Variants in C13orf42 observed in about 807,000 individuals in gnomAD.
The protein encoded by C13orf42 is chromosome 13 open reading frame 42, also known as uncharacterized protein C13orf42.
chr13:51,089,069 C>A (rs1419861930), intron 1 of C13orf42, among the ~76,000 whole-genome samples: 1 of 152,124 alleles, frequency 6.6e-6, no homozygotes, highest in African/African-American at 2.4e-5. Context: ...GATGTGTTAA[C>A]ATGGGCATTT....
intron 1 of C13orf42, among the ~76,000 whole-genome samples, chr13:51,116,470 C>G (rs535941513): frequency 9.9e-5 from 15 of 152,236 alleles, no homozygotes; most frequent in Non-Finnish European, 2.1e-4. Context: ...AGAAAAAGTG[C>G]TCTCTCCAGG....
intron 1 of C13orf42, among the ~76,000 whole-genome samples, chr13:51,160,075 C>G (rs1953853286): frequency 6.6e-6 from 1 of 152,196 alleles, no homozygotes; most frequent in African/African-American, 2.4e-5. Context: ...AATTACCTCC[C>G]CCTGGGTCCC....
At chr13:51,141,672 CCTG>C (rs1171281816) in intron 1 of C13orf42, among the ~76,000 whole-genome samples, 1 of 151,944 alleles carries the variant, frequency 6.6e-6, no homozygotes, top group Non-Finnish European at 1.5e-5. Context: ...GTGGTGAGCA[CCTG>C]TAATCCCAAC....
At chr13:51,162,523 T>C (rs928493980) in intron 1 of C13orf42, among the ~76,000 whole-genome samples, 1 of 152,206 alleles carries the variant, frequency 6.6e-6, no homozygotes, top group African/African-American at 2.4e-5. Context: ...CTGTGAGTGT[T>C]TTTAGTTTGT....
rs148009345 is a variant in C13orf42, at chr13:51,087,632, G to C, written c.562+296C>G. Among the ~76,000 whole-genome samples, 289 of 152,258 alleles carry C rather than the reference G, an allele frequency of 1.9e-3. 1 individual carries two copies. Among genetic ancestry groups the C allele is most frequent in the African/African-American group, 6.7e-3 (277 of 41,528 alleles). ...TTGGAGTCTTAGGAAAGTCCCACCT[G>C]TCTCAGCCGTGGTAAGTGGACCACA... is the stretch of plus-strand genomic sequence containing the variant. On this transcript the variant is annotated intron_variant, in intron 2 of 3. Transcript: ENST00000563710.
chr13:51,119,307 GTGTT>G (rs1953515594), intron 1 of C13orf42, among the ~76,000 whole-genome samples: 1 of 152,102 alleles, frequency 6.6e-6, no homozygotes, highest in South Asian at 2.1e-4. Context: ...TGGGAACAGA[GTGTT>G]TGTTTGGAAT....
intron 1 of C13orf42, among the ~76,000 whole-genome samples, chr13:51,163,882 C>T (rs1021306731): frequency 5.9e-5 from 9 of 151,962 alleles, no homozygotes; most frequent in African/African-American, 9.7e-5. Context: ...AATGAAACAC[C>T]GCAAGTGTTT....
Position 51,141,025 on chromosome 13 carries a change from A to AT in C13orf42, n.137-27804dup, listed in dbSNP as rs540697527. ...AAATATGGTAATAAGATTAAAAAAA[A>AT]TTTTTTTTTTTTGTTAAAGGAGCTC... On this transcript the variant is annotated intron_variant and non_coding_transcript_variant, in intron 1 of 4. Transcript: ENST00000433280. Among the ~76,000 whole-genome samples, 300 of 145,460 alleles carry AT rather than the reference A, an allele frequency of 2.1e-3. 2 individuals are homozygous for AT. Among genetic ancestry groups the AT allele is most frequent in the South Asian group, 4.4e-3 (20 of 4,572 alleles).
chr13:51,139,383 G>T, intron 1 of C13orf42, among the ~76,000 whole-genome samples: 1 of 152,172 alleles, frequency 6.6e-6, no homozygotes, highest in East Asian at 1.9e-4. Flanking sequence ...AGGGGCTGGG[G>T]AGATGAGGAA....
At chr13:51,160,719 T>C (rs1049765750) in intron 1 of C13orf42, among the ~76,000 whole-genome samples, 1 of 152,176 alleles carries the variant, frequency 6.6e-6, no homozygotes, top group Non-Finnish European at 1.5e-5. Context: ...TGGGAATACC[T>C]ATAAATGATT....
chr13:51,134,351 CTTGGCTTT>C (rs1444960849), intron 1 of C13orf42, among the ~76,000 whole-genome samples: 3 of 152,168 alleles, frequency 2.0e-5, no homozygotes, highest in Admixed American at 2.0e-4. Context: ...ATGTAATGAA[CTTGGCTTT>C]GCCTTAACAC....
chr13:51,162,528 G>A (rs1953874339), intron 1 of C13orf42, among the ~76,000 whole-genome samples: 2 of 152,160 alleles, frequency 1.3e-5, no homozygotes, highest in South Asian at 4.1e-4. Context: ...AGTGTTTTTA[G>A]TTTGTCTATT....
At chr13:51,119,012 C>G (rs1422694346) in intron 1 of C13orf42, among the ~76,000 whole-genome samples, 1 of 151,870 alleles carries the variant, frequency 6.6e-6, no homozygotes, top group Non-Finnish European at 1.5e-5. Flanking sequence ...TACGGCATGC[C>G]CAAGAGTACA....
chr13:51,161,844 G>A (rs9568537), intron 1 of C13orf42: 2 of 442,714 alleles, frequency 4.5e-6, no homozygotes, highest in East Asian at 6.0e-5. Flanking sequence ...TCCATCCACA[G>A]CACTCTCAGA....
chr13:51,100,120 CCTA>C (rs71640555), intron 1 of C13orf42, among the ~76,000 whole-genome samples: 7,151 of 151,848 alleles, frequency 0.047, 288 homozygotes, highest in African/African-American at 0.12. Context: ...GTTCTCAGTT[CCTA>C]CTACATATCC....
intron 1 of C13orf42, among the ~76,000 whole-genome samples, chr13:51,117,798 C>G (rs538876620): frequency 6.6e-6 from 1 of 152,000 alleles, no homozygotes; most frequent in Non-Finnish European, 1.5e-5. Flanking sequence ...TTATTTTTCT[C>G]TTGTGTAACA....
At chr13:51,113,257 T>C (rs934998084), upstream of C13orf42, 1 of 152,228 alleles carries the variant, frequency 6.6e-6, no homozygotes, top group Non-Finnish European at 1.5e-5. Flanking sequence ...TCTACTGACA[T>C]CAACCTGCAG....
intron 1 of C13orf42, among the ~76,000 whole-genome samples, chr13:51,101,973 T>G (rs1219322804): frequency 1.3e-5 from 2 of 152,258 alleles, no homozygotes; most frequent in African/African-American, 4.8e-5. Flanking sequence ...AGAGGATAGA[T>G]TAGGAATATA....
At chr13:51,161,468 C>G (rs1450747802) in intron 1 of C13orf42, among the ~76,000 whole-genome samples, 1 of 152,142 alleles carries the variant, frequency 6.6e-6, no homozygotes, top group East Asian at 1.9e-4. Context: ...CACAAACCAA[C>G]CAATCCAGAG....
Sources: allele counts gnomAD v4.1 joint callset (sites outside exome capture counted in the v4.1 genomes callset), GRCh38; gene constraint gnomAD v4.1.1; transcripts MANE v1.5; gene names NCBI Gene and HGNC (gene_info 2026-07-23, HGNC 2026-07-21).